CIB4: variants seen among roughly 807,000 people sequenced by gnomAD.
CIB4 encodes calcium and integrin-binding family member 4.
Under a neutral mutation model 25.8 loss-of-function variants are expected in CIB4, and 25 were observed. The ratio of observed to expected loss-of-function variants is 0.97; its 90% CI spans 0.71 to 1.35. The LOEUF is 1.35. Ranked by LOEUF, CIB4 falls within the 40% of genes most tolerant of loss-of-function variation. The probability of loss-of-function intolerance (pLI) is 0.00; values close to 1 mark genes in which losing one functional copy is unlikely to be tolerated. For missense variants in CIB4, 235 were observed against 228.2 expected, an observed-to-expected ratio of 1.03 and a Z score of -0.19; for synonymous variants, 75 against 81.4, an observed-to-expected ratio of 0.92 and a Z score of 0.42.
chr2:26,591,843 A>G (rs1668592182), intron 4 of CIB4, among the ~76,000 whole-genome samples: 1 of 152,240 alleles, frequency 6.6e-6, no homozygotes, highest in African/African-American at 2.4e-5. Flanking sequence ...TCCGGCTGAG[A>G]GCCGGCAAGA....
intron 3 of CIB4, 144 bp from the exon 4 acceptor site, chr2:26,595,461 G>T (rs1668665606): frequency 1.1e-6 from 1 of 917,430 alleles, no homozygotes; most frequent in South Asian, 1.9e-5. Flanking sequence ...GTAGATGGTG[G>T]CTCACTGAGC....
At chr2:26,599,567 C>T (rs1194405778) in intron 3 of CIB4, among the ~76,000 whole-genome samples, 1 of 152,102 alleles carries the variant, frequency 6.6e-6, no homozygotes, top group Non-Finnish European at 1.5e-5. Context: ...CAAAAATACG[C>T]TAGTGACTCA....
chr2:26,628,625 G>A (rs901489969), intron 3 of CIB4, among the ~76,000 whole-genome samples: 1 of 152,252 alleles, frequency 6.6e-6, no homozygotes, highest in Non-Finnish European at 1.5e-5. Flanking sequence ...GTTGAGGAGA[G>A]AGAGGATTGC....
intron 3 of CIB4, among the ~76,000 whole-genome samples, chr2:26,609,018 A>G (rs907138596): frequency 6.6e-6 from 1 of 152,182 alleles, no homozygotes; most frequent in Admixed American, 6.5e-5. Flanking sequence ...TGACAACCGC[A>G]GCCCTTTTGA....
chr2:26,584,338 G>A (rs1382548619), intron 4 of CIB4, among the ~76,000 whole-genome samples: 4 of 152,216 alleles, frequency 2.6e-5, no homozygotes, highest in Admixed American at 6.5e-5. Context: ...AGAAGCCAGG[G>A]TGTCTTTTGG....
chr2:26,600,119 T>A lies in CIB4; in HGVS notation c.187-4802A>T, dbSNP rs148701908. On this transcript the variant is annotated intron_variant, in intron 3 of 6. Coordinates refer to ENST00000288861, the MANE Select transcript of CIB4 (RefSeq NM_001029881.3). ...ATTAATGTTTATTGACTGGGCGCAG[T>A]GGCTGCTAGGCATGGTGGCTCACTC... Among the ~76,000 whole-genome samples, 298 of 137,608 alleles carry A rather than the reference T, an allele frequency of 2.2e-3. 45 individuals are homozygous for A. Among genetic ancestry groups the A allele is most frequent in the African/African-American group, 8.4e-3 (291 of 34,706 alleles). 90.3% of individuals were successfully genotyped at this position (137,608 alleles called of 152,430 possible). A position where few individuals can be genotyped will look rare whatever the true frequency, so the allele number is the denominator to read the frequency against.
At chr2:26,589,950 G>A (rs1257578532) in intron 4 of CIB4, among the ~76,000 whole-genome samples, 1 of 152,184 alleles carries the variant, frequency 6.6e-6, no homozygotes, top group Non-Finnish European at 1.5e-5. Context: ...TTGTGACTAT[G>A]AGGATAATGG....
chr2:26,626,185 A>T (rs1669299387), intron 3 of CIB4, among the ~76,000 whole-genome samples: 1 of 151,736 alleles, frequency 6.6e-6, no homozygotes, highest in Non-Finnish European at 1.5e-5. Context: ...GCTTCTCCCC[A>T]CTCCAGTCAT....
chr2:26,602,005 A>G (rs1668801371), intron 3 of CIB4, among the ~76,000 whole-genome samples: 1 of 152,116 alleles, frequency 6.6e-6, no homozygotes. Flanking sequence ...CTACAAAGGA[A>G]ATTTTGGGGG....
intron 4 of CIB4, among the ~76,000 whole-genome samples, chr2:26,591,248 T>C (rs1214894244): frequency 6.6e-6 from 1 of 152,184 alleles, no homozygotes; most frequent in Non-Finnish European, 1.5e-5. Context: ...GCTGGTCACC[T>C]ATCCCAGGGG....
At chr2:26,633,776 C>T (rs1669479243) in intron 2 of CIB4, among the ~76,000 whole-genome samples, 1 of 152,236 alleles carries the variant, frequency 6.6e-6, no homozygotes, top group South Asian at 2.1e-4. Flanking sequence ...CCCTTCCACA[C>T]AGCCCAGAGA....
chr2:26,625,431 C>T (rs544998129), intron 3 of CIB4, among the ~76,000 whole-genome samples: 11 of 149,512 alleles, frequency 7.4e-5, no homozygotes, highest in African/African-American at 2.7e-4. Flanking sequence ...CAGCTCACCA[C>T]AACCTCTGCC....
At chr2:26,593,059 G>A (rs1668613292) in intron 4 of CIB4, among the ~76,000 whole-genome samples, 1 of 152,144 alleles carries the variant, frequency 6.6e-6, no homozygotes, top group Non-Finnish European at 1.5e-5. Flanking sequence ...TTCCATCCAT[G>A]GAGGGTCCAA....
Position 26,627,112 on chromosome 2 carries a change from T to C in CIB4, c.186+2298A>G, listed in dbSNP as rs1342637921. Among the ~76,000 whole-genome samples the C allele has an allele frequency of 1.3e-5, 2 of 152,146 alleles. No individual in the cohort carries two copies. The highest frequency in any genetic ancestry group is 2.9e-5 in the Non-Finnish European group (2 of 68,026). ...AAGGCTATTGCTGGAGAAGGATGTG[T>C]TGAGGCCATGGGTCACCAACACCCT... On this transcript the variant is annotated intron_variant, in intron 3 of 6. Transcript: ENST00000288861. This position sits in a 1 kb window ranked among gnomAD's most constrained non-coding sequence, Gnocchi z 4.0.
chr2:26,611,444 A>G (rs766540663), intron 3 of CIB4, among the ~76,000 whole-genome samples: 1 of 152,210 alleles, frequency 6.6e-6, no homozygotes, highest in Non-Finnish European at 1.5e-5. Context: ...TCCATCTTTT[A>G]TCACTGATTT....
At chr2:26,641,056 G>A (rs751399996) in intron 1 of CIB4, among the ~76,000 whole-genome samples, 6 of 152,108 alleles carry the variant, frequency 3.9e-5, no homozygotes, top group East Asian at 3.9e-4. Context: ...AGATTTTTTC[G>A]TGATTTTTTT....
chr2:26,595,410 G>T, intron 3 of CIB4, 93 bp from the exon 4 acceptor site: 1 of 1,392,234 alleles, frequency 7.2e-7, no homozygotes, highest in Admixed American at 1.9e-5. Context: ...ACTGTGTCCT[G>T]GGTTTGAGAT....
chr2:26,629,175 C>T lies in CIB4; in HGVS notation c.186+235G>A, dbSNP rs916237582. Reference sequence around the variant, plus strand: ...CCACCTGAGAAGTAGTGACTGTTATCACAGGGTCCTGCTCTAGGACCGAGG... The same window carrying T: ...CCACCTGAGAAGTAGTGACTGTTATTACAGGGTCCTGCTCTAGGACCGAGG... On this transcript the variant is annotated intron_variant, in intron 3 of 6. Transcript: ENST00000288861. Among the ~76,000 whole-genome samples the T allele has an allele frequency of 1.2e-4, 19 of 152,310 alleles. No homozygotes were observed. In the South Asian group the frequency reaches 3.7e-3, roughly 30 times the overall value.
intron 2 of CIB4, among the ~76,000 whole-genome samples, chr2:26,629,770 G>C (rs1307546043): frequency 6.6e-6 from 1 of 152,192 alleles, no homozygotes; most frequent in Non-Finnish European, 1.5e-5. Flanking sequence ...CCAGGTGAGA[G>C]GAAAGTTAGG....
Sources: gnomAD v4.1 joint callset for allele counts (sites outside exome capture counted in the v4.1 genomes callset) on GRCh38, gnomAD v4.1.1 for gene constraint, Gnocchi (gnomAD v3.1) non-coding constraint, MANE v1.5 for transcripts, NCBI Gene and HGNC (gene_info 2026-07-23, HGNC 2026-07-21) for gene names.